MMS22L: variants seen among roughly 807,000 people sequenced by gnomAD.
The protein encoded by MMS22L is MMS22 like, DNA repair protein.
A neutral mutation model predicts 159.1 loss-of-function variants in MMS22L; 74 were observed. The ratio of observed to expected loss-of-function variants is 0.47; its 90% CI spans 0.39 to 0.56. The LOEUF (loss-of-function observed/expected upper bound fraction) is 0.56. MMS22L is among the 20% of genes least tolerant of loss of function. MMS22L has a pLI of 0.00. For missense variants in MMS22L, 1,351 were observed against 1,422.1 expected, an observed-to-expected ratio of 0.95 and a Z score of 0.80; for synonymous variants, 517 against 506.9, an observed-to-expected ratio of 1.02 and a Z score of -0.27.
rs766405357 is a variant in MMS22L, at chr6:97,162,146, T to C, written c.3241A>G (p.Lys1081Glu). Residue 1081 changes from lysine (K) to glutamate (E), a missense_variant, in exon 22 of 25, where the codon AAG becomes GAG. Transcript: ENST00000683635. ...AAGCGAGGAGGAGGTGAGGACCCCT[T>C]ATACTCAAGGTAGGATTTCCTGAAA... is the stretch of plus-strand genomic sequence containing the variant. The part of the protein sequence containing the change: ...QVIRKSYLEY[K>E]GSSPPPRLAS... 2 of 1,601,278 alleles carry C rather than the reference T, an allele frequency of 1.2e-6. No individual in the cohort carries two copies. Among genetic ancestry groups the C allele is most frequent in the South Asian group, 2.3e-5 (2 of 88,086 alleles).
At chr6:97,189,155 C>G (rs1318959070) in intron 14 of MMS22L, among the ~76,000 whole-genome samples, 1 of 150,900 alleles carries the variant, frequency 6.6e-6, no homozygotes, top group Non-Finnish European at 1.5e-5. Flanking sequence ...GAAAGGCCAA[C>G]AAATGTGAAC....
At chr6:97,160,184 ATAATCTT>A (rs1441145031) in intron 22 of MMS22L, among the ~76,000 whole-genome samples, 1 of 152,000 alleles carries the variant, frequency 6.6e-6, no homozygotes, top group African/African-American at 2.4e-5. Flanking sequence ...TAATTATATG[ATAATCTT>A]TACTAGAATT....
intron 9 of MMS22L, chr6:97,258,523 A>G (rs1814080629): frequency 6.6e-6 from 1 of 152,174 alleles, no homozygotes; most frequent in African/African-American, 2.4e-5. Context: ...ACACATATAC[A>G]TTTATATATA....
In MMS22L at chr6:97,278,756, T is replaced by A. The variant is rs111314814; in HGVS notation, c.340+93A>T. The A allele has an allele frequency of 8.9e-5, 89 of 1,000,022 alleles. No homozygotes were observed. In the African/African-American group the frequency reaches 1.4e-3, roughly 15 times the overall value. The allele number at this position is 1,000,022 out of a possible 1,614,324, so 61.9% of individuals were successfully genotyped here. On this transcript the variant is annotated intron_variant, in intron 4 of 24. Transcript: ENST00000683635. Reference sequence around the variant, plus strand: ...CTGGCCTAATGCTTCCTCTGTATTATCATGATATGCCAATTATACCATCAT... The same window carrying A: ...CTGGCCTAATGCTTCCTCTGTATTAACATGATATGCCAATTATACCATCAT...
At position 97,195,197 on chromosome 6, in the gene MMS22L, G is replaced by C. The variant is rs191190929; in HGVS notation, c.2040-8507C>G. Among the ~76,000 whole-genome samples, 10 of 152,296 alleles carry C rather than the reference G, an allele frequency of 6.6e-5. No homozygotes were observed. In the East Asian group the frequency reaches 1.9e-3, roughly 29 times the overall value. On this transcript the variant is annotated intron_variant, in intron 14 of 24. Transcript: ENST00000683635. ...TATATGGGGAAGAATATTCCAGTGAGAAGAAAAAGTGCAAAGGTGCTGGGC... is the reference window on the plus strand; with the variant it reads ...TATATGGGGAAGAATATTCCAGTGACAAGAAAAAGTGCAAAGGTGCTGGGC...
intron 6 of MMS22L, chr6:97,270,425 A>G: frequency 3.0e-6 from 1 of 337,350 alleles, no homozygotes; most frequent in South Asian, 2.5e-5. Context: ...TGTCATGTAG[A>G]CATTATTGTC....
At chr6:97,153,298 CCA>C (rs991961380) in intron 22 of MMS22L, among the ~76,000 whole-genome samples, 2 of 151,110 alleles carry the variant, frequency 1.3e-5, no homozygotes, top group Admixed American at 1.3e-4. Flanking sequence ...AAAAGAAATT[CCA>C]CACTCTTTAG....
intron 23 of MMS22L, chr6:97,151,564 G>A (rs1801319208): frequency 6.2e-6 from 3 of 483,186 alleles, no homozygotes; most frequent in Non-Finnish European, 1.1e-5. Context: ...GTAATTTTAA[G>A]TCCCCTCACT....
At chr6:97,276,302 A>G (rs772203444) in intron 4 of MMS22L, among the ~76,000 whole-genome samples, 10 of 152,216 alleles carry the variant, frequency 6.6e-5, no homozygotes, top group Admixed American at 1.3e-4. Flanking sequence ...TTAAGCAACA[A>G]AAACAGCCAA....
intron 14 of MMS22L, among the ~76,000 whole-genome samples, chr6:97,186,989 A>C (rs1437854711): frequency 6.6e-6 from 1 of 152,260 alleles, no homozygotes; most frequent in East Asian, 1.9e-4. Context: ...CAACTCACAC[A>C]TGACAAGTGA....
At chr6:97,231,170 C>T (rs766689021) in intron 13 of MMS22L, 6 of 389,018 alleles carry the variant, frequency 1.5e-5, no homozygotes, top group Non-Finnish European at 2.8e-5. Flanking sequence ...AAAAACAAAA[C>T]AAACCAAAAA....
chr6:97,222,704 G>A (rs1562475862), intron 14 of MMS22L, among the ~76,000 whole-genome samples: 1 of 152,016 alleles, frequency 6.6e-6, no homozygotes, highest in Non-Finnish European at 1.5e-5. Context: ...AATGAAAAAG[G>A]GGGATGGGGA....
At chr6:97,173,800 A>G (rs1803813078) in intron 18 of MMS22L, among the ~76,000 whole-genome samples, 2 of 152,184 alleles carry the variant, frequency 1.3e-5, no homozygotes, top group Non-Finnish European at 2.9e-5. Context: ...AGAGTGGTAG[A>G]GAGAAATGTG....
At position 97,143,354 on chromosome 6, in the gene MMS22L, C is replaced by G. The variant is rs1217068350; in HGVS notation, c.*3452G>C. Reference sequence around the variant, plus strand: ...TCAGAGAAAGCTGCTAAATGAGCCTCTTGTTTGGAAAGAGATAAGCTTGAA... The same window carrying G: ...TCAGAGAAAGCTGCTAAATGAGCCTGTTGTTTGGAAAGAGATAAGCTTGAA... On this transcript the variant is annotated 3_prime_UTR_variant, in exon 25 of 25. Coordinates refer to ENST00000683635, the MANE Select transcript of MMS22L (RefSeq NM_001350599.2). The G allele has an allele frequency of 6.6e-6, 1 of 152,122 alleles. No individual in the cohort carries two copies. The highest frequency in any genetic ancestry group is 1.5e-5 in the Non-Finnish European group (1 of 68,062). The allele number at this position is 152,122 out of a possible 1,614,324, so 9.4% of individuals were successfully genotyped here. A position where few individuals can be genotyped will look rare whatever the true frequency, so the allele number is the denominator to read the frequency against.
At chr6:97,201,817 C>CT (rs1436678250) in intron 14 of MMS22L, among the ~76,000 whole-genome samples, 1 of 152,172 alleles carries the variant, frequency 6.6e-6, no homozygotes, top group Non-Finnish European at 1.5e-5. Flanking sequence ...CAATCTATTG[C>CT]TTTAGAGCCT....
chr6:97,182,101 C>T, intron 15 of MMS22L, 47 bp from the exon 16 acceptor site: 1 of 1,522,708 alleles, frequency 6.6e-7, no homozygotes, highest in Non-Finnish European at 8.9e-7. Flanking sequence ...CTTTAAAAAC[C>T]ATTTCTGACC....
At chr6:97,278,160 T>C (rs1252207102) in intron 4 of MMS22L, among the ~76,000 whole-genome samples, 34 of 152,104 alleles carry the variant, frequency 2.2e-4, no homozygotes. Context: ...TCCTAGCACT[T>C]CAGGAGGCCA....
At chr6:97,277,968 A>G (rs1582879594) in intron 4 of MMS22L, among the ~76,000 whole-genome samples, 1 of 152,218 alleles carries the variant, frequency 6.6e-6, no homozygotes, top group African/African-American at 2.4e-5. Context: ...AGTTAGAACT[A>G]TTACTTGACG....
In MMS22L at chr6:97,267,838, T is replaced by C. The variant is rs1815300909; in HGVS notation, c.828+34A>G. 3 of 1,555,900 alleles carry C rather than the reference T, an allele frequency of 1.9e-6. No individual in the cohort carries two copies. The South Asian group carries it at 3.8e-5, about 19-fold the overall frequency. On this transcript the variant is annotated intron_variant, in intron 8 of 24. Coordinates refer to ENST00000683635, the MANE Select transcript of MMS22L (RefSeq NM_001350599.2). Reference sequence around the variant, plus strand: ...TGCATTAAGGACTGAATACTGTCTTTAAGTCTCAAAAATACAAACTCTTAA... The same window carrying C: ...TGCATTAAGGACTGAATACTGTCTTCAAGTCTCAAAAATACAAACTCTTAA...
Sources: gnomAD v4.1 joint callset for allele counts (sites outside exome capture counted in the v4.1 genomes callset) on GRCh38, gnomAD v4.1.1 for gene constraint, MANE v1.5 for transcripts, NCBI Gene and HGNC (gene_info 2026-07-23, HGNC 2026-07-21) for gene names.